Variants in TBC1D32 observed in about 807,000 individuals in gnomAD.
TBC1D32 encodes TBC1 domain family member 32.
A neutral mutation model predicts 170.3 loss-of-function variants in TBC1D32; 151 were observed. That is an observed-to-expected ratio of 0.89 (90% CI 0.78 to 1.01). The LOEUF (loss-of-function observed/expected upper bound fraction) is 1.01. Ranked by LOEUF, TBC1D32 falls within the 50% of genes least tolerant of loss-of-function variation. The pLI, the probability that TBC1D32 is intolerant of heterozygous loss-of-function variation, is 0.00. For missense variants in TBC1D32, 1,464 were observed against 1,457.1 expected, an observed-to-expected ratio of 1.00 and a Z score of -0.08; for synonymous variants, 498 against 488.0, an observed-to-expected ratio of 1.02 and a Z score of -0.27.
At chr6:121,289,843 C>T (rs940611444) in intron 12 of TBC1D32, among the ~76,000 whole-genome samples, 20 of 151,982 alleles carry the variant, frequency 1.3e-4, no homozygotes, top group South Asian at 2.1e-4. Flanking sequence ...GAAATAATGC[C>T]GCATATCTAC....
rs769030857 is a variant in TBC1D32, at chr6:121,080,362, C to T, written c.*409G>A. ...CCTCCCAAGTAGCAGGGACTACAGG[C>T]GCATCACTGCACCCAGCTAATTTCA... is the stretch of plus-strand genomic sequence containing the variant. On this transcript the variant is annotated 3_prime_UTR_variant, in exon 32 of 32. Coordinates refer to ENST00000398212, the MANE Select transcript of TBC1D32 (RefSeq NM_152730.6). 5.0e-5 allele frequency: 17 copies of T among 340,454 alleles called. No individual in the cohort carries two copies. Among genetic ancestry groups the T allele is most frequent in the Admixed American group, 3.1e-5 (1 of 32,128 alleles). The allele number at this position is 340,454 out of a possible 1,614,324, so 21.1% of individuals were successfully genotyped here.
chr6:121,105,076 G>C (rs993955005), intron 30 of TBC1D32, among the ~76,000 whole-genome samples: 4 of 151,808 alleles, frequency 2.6e-5, no homozygotes, highest in Admixed American at 6.6e-5. Context: ...GACAGTTGTT[G>C]CTACTTTAAA....
chr6:121,084,055 C>A (rs925212807), intron 31 of TBC1D32, among the ~76,000 whole-genome samples: 1 of 151,962 alleles, frequency 6.6e-6, no homozygotes, highest in African/African-American at 2.4e-5. Flanking sequence ...CCTAGGAATT[C>A]TTTGTATGAC....
Position 121,080,865 on chromosome 6 carries a change from A to G in TBC1D32, c.3680T>C (p.Val1227Ala). The G allele has an allele frequency of 6.2e-7, 1 of 1,613,714 alleles. No homozygotes were observed. ...TTCCATGTATTCAAAATAATCACTC[A>G]CTCGAAACCCATGCAGTGCTTCTTC... ...LKEEALHGFR[V>A]SDYFEYMEIL... Residue 1227 changes from valine (V) to alanine (A), a missense_variant, in exon 32 of 32, where the codon GTG becomes GCG. Physicochemically the swap from Val to Ala is moderately conservative, Grantham distance 64. This residue lies in a region of TBC1D32 where 97 missense variants were observed against 102.0 expected (regional missense o/e 0.95). Coordinates refer to ENST00000398212, the MANE Select transcript of TBC1D32 (RefSeq NM_152730.6).
At chr6:121,138,972 G>T (rs1782460120) in intron 24 of TBC1D32, among the ~76,000 whole-genome samples, 1 of 151,946 alleles carries the variant, frequency 6.6e-6, no homozygotes, top group Non-Finnish European at 1.5e-5. Flanking sequence ...AGCCTCTGGA[G>T]TAGCTGGGAC....
At chr6:121,096,282 T>C (rs936921277) in intron 30 of TBC1D32, 2 of 151,590 alleles carry the variant, frequency 1.3e-5, no homozygotes, top group Non-Finnish European at 3.0e-5. Flanking sequence ...GGTGATACTG[T>C]ACATTTAGAA....
At chr6:121,085,850 GAGACTTGACTT>G (rs964259471) in intron 31 of TBC1D32, among the ~76,000 whole-genome samples, 4 of 152,098 alleles carry the variant, frequency 2.6e-5, no homozygotes, top group African/African-American at 9.7e-5. Context: ...GATTGTACCA[GAGACTTGACTT>G]AGTCTTGGCT....
intron 26 of TBC1D32, 42 bp from the exon 27 acceptor site, chr6:121,115,283 T>C: frequency 7.2e-7 from 1 of 1,392,204 alleles, no homozygotes; most frequent in Admixed American, 2.4e-5. Flanking sequence ...GCAGAAAAGT[T>C]TGCATAATAA....
chr6:121,201,279 A>G (rs917450273), intron 22 of TBC1D32, among the ~76,000 whole-genome samples: 2 of 151,490 alleles, frequency 1.3e-5, no homozygotes, highest in African/African-American at 4.9e-5. Flanking sequence ...AAGGCACTTC[A>G]CATATTAGGT....
intron 23 of TBC1D32, 48 bp from the exon 24 acceptor site, chr6:121,160,151 T>C (rs760696284): frequency 2.5e-6 from 3 of 1,178,266 alleles, no homozygotes; most frequent in Non-Finnish European, 3.7e-6. Context: ...TCTAAAATAA[T>C]ATTGAATTTT....
intron 30 of TBC1D32, among the ~76,000 whole-genome samples, chr6:121,097,026 T>C (rs1041219022): frequency 4.6e-5 from 7 of 151,984 alleles, no homozygotes; most frequent in African/African-American, 1.2e-4. Flanking sequence ...CCCTTCCTTA[T>C]ACTTTATACA....
chr6:121,230,644 G>GATAT (rs3076859), intron 20 of TBC1D32, among the ~76,000 whole-genome samples: 15,829 of 149,490 alleles, frequency 0.11, 1,522 homozygotes, highest in African/African-American at 0.26. Context: ...GTATATATCT[G>GATAT]ATATATATAT....
intron 15 of TBC1D32, among the ~76,000 whole-genome samples, chr6:121,270,845 C>A (rs927428815): frequency 6.6e-6 from 1 of 152,038 alleles, no homozygotes; most frequent in Non-Finnish European, 1.5e-5. Context: ...TGATGAACAT[C>A]GATGCAAAAA....
At chr6:121,151,243 T>C (rs931986092) in intron 24 of TBC1D32, among the ~76,000 whole-genome samples, 1 of 152,232 alleles carries the variant, frequency 6.6e-6, no homozygotes, top group Non-Finnish European at 1.5e-5. Flanking sequence ...TGTTACTGCC[T>C]AAATTTTATT....
intron 25 of TBC1D32, among the ~76,000 whole-genome samples, chr6:121,129,251 C>T (rs1781168926): frequency 1.3e-5 from 2 of 152,166 alleles, no homozygotes; most frequent in Non-Finnish European, 2.9e-5. Context: ...TTCTGTTTTT[C>T]ACTTTCAGTA....
At chr6:121,304,314 G>A in intron 8 of TBC1D32, 51 bp downstream of exon 8, 1 of 1,537,228 alleles carries the variant, frequency 6.5e-7, no homozygotes, top group Non-Finnish European at 9.0e-7. Context: ...ACGTATATGG[G>A]GCAGTAACAC....
intron 15 of TBC1D32, among the ~76,000 whole-genome samples, chr6:121,266,988 G>C (rs1178003128): frequency 6.6e-6 from 1 of 150,882 alleles, no homozygotes; most frequent in Non-Finnish European, 1.5e-5. Context: ...AAGTGAGGTT[G>C]ATATGTGCAG....
intron 10 of TBC1D32, among the ~76,000 whole-genome samples, chr6:121,295,323 C>T (rs866647680): frequency 3.8e-4 from 55 of 143,386 alleles, no homozygotes; most frequent in African/African-American, 1.3e-3. Context: ...CAGTGATATA[C>T]GGTGTGATAA....
chr6:121,215,012 C>G lies in TBC1D32; in HGVS notation c.2481+8224G>C, dbSNP rs1307247538. The stretch of plus-strand genomic sequence containing the variant: ...AGAAGACCCACAATGTATATCTCCT[C>G]TCCACAGGCAGGTCATCCTGATGTC... On this transcript the variant is annotated intron_variant, in intron 21 of 31. Coordinates refer to ENST00000398212, the MANE Select transcript of TBC1D32 (RefSeq NM_152730.6). Among the ~76,000 whole-genome samples the G allele has an allele frequency of 1.3e-5, 2 of 152,162 alleles. 1 individual carries two copies. Among genetic ancestry groups the G allele is most frequent in the Non-Finnish European group, 2.9e-5 (2 of 68,028 alleles).
Sources: allele counts gnomAD v4.1 joint callset (sites outside exome capture counted in the v4.1 genomes callset), GRCh38; gene constraint gnomAD v4.1.1; regional missense constraint gnomAD v4.1.1; transcripts MANE v1.5; gene names NCBI Gene and HGNC (gene_info 2026-07-23, HGNC 2026-07-21).